Variants in SLC35A3 observed in about 807,000 individuals in gnomAD.
SLC35A3 encodes the protein UDP-N-acetylglucosamine transporter.
In SLC35A3, 26 loss-of-function variants were observed where a neutral mutation model predicts 39.0. The ratio of observed to expected loss-of-function variants is 0.67; its 90% CI spans 0.49 to 0.92. The LOEUF (loss-of-function observed/expected upper bound fraction) is 0.92, where lower values mean the gene tolerates loss of function less well. Ranked by LOEUF, SLC35A3 falls within the 40% of genes least tolerant of loss-of-function variation. SLC35A3 has a pLI of 0.00. For missense variants in SLC35A3, 299 were observed against 371.6 expected (o/e 0.80, Z 1.61); for synonymous variants, 135 against 133.1 (o/e 1.01, Z -0.10).
At chr1:99,982,161 T>C (rs959047988) in intron 1 of SLC35A3, among the ~76,000 whole-genome samples, 3 of 151,892 alleles carry the variant, frequency 2.0e-5, no homozygotes, top group South Asian at 2.1e-4. Flanking sequence ...CGCACCACCA[T>C]GTCCAGCTAA....
At chr1:100,012,657 A>G (rs1046917085) in intron 5 of SLC35A3, among the ~76,000 whole-genome samples, 2 of 152,204 alleles carry the variant, frequency 1.3e-5, no homozygotes, top group African/African-American at 4.8e-5. Context: ...ATAGATTGAT[A>G]TAACCATGTT....
At chr1:99,973,506 T>G (rs538276034) in intron 1 of SLC35A3, among the ~76,000 whole-genome samples, 2 of 152,338 alleles carry the variant, frequency 1.3e-5, no homozygotes, top group African/African-American at 4.8e-5. Context: ...GTTTTATATA[T>G]AAGTGTGAAA....
In SLC35A3 at chr1:100,034,375, TCTTA is replaced by T. The variant is rs1181708092; in HGVS notation, c.*11902_*11905del. On this transcript the variant is annotated 3_prime_UTR_variant, in exon 8 of 8. Coordinates refer to ENST00000533028, the MANE Select transcript of SLC35A3 (RefSeq NM_012243.3). ...ATGTTTGTTCAACTCTCATTTTACATCTTACTATTGAGTTTAAAAATTTTTATTT... is the reference window on the plus strand; with the variant it reads ...ATGTTTGTTCAACTCTCATTTTACATCTATTGAGTTTAAAAATTTTTATTT... 1 of 152,220 alleles carries T rather than the reference TCTTA, an allele frequency of 6.6e-6. No individual in the cohort carries two copies. The highest frequency in any genetic ancestry group is 2.4e-5 in the African/African-American group (1 of 41,462). 9.4% of individuals were successfully genotyped at this position (152,220 alleles called of 1,614,324 possible). A position where few individuals can be genotyped will look rare whatever the true frequency, so the allele number is the denominator to read the frequency against.
At chr1:99,981,886 A>G (rs1384413567) in intron 1 of SLC35A3, among the ~76,000 whole-genome samples, 2 of 152,184 alleles carry the variant, frequency 1.3e-5, no homozygotes, top group African/African-American at 4.8e-5. Flanking sequence ...TTGTCTCAGA[A>G]TGATAAGCTT....
At chr1:99,993,143 T>A (rs1658186350) in intron 1 of SLC35A3, 1 of 155,396 alleles carries the variant, frequency 6.4e-6, no homozygotes, top group Non-Finnish European at 1.4e-5. Context: ...GTTCTATGCC[T>A]TTGAGCAGTT....
chr1:100,015,323 G>A lies in SLC35A3; in HGVS notation c.656G>A (p.Gly219Glu), dbSNP rs1660021052. ...TTAGGTTTCTTTGGAAGTATATTTGGATTAATGGGTGTATACATTTATGAT... is the reference window on the plus strand; with the variant it reads ...TTAGGTTTCTTTGGAAGTATATTTGAATTAATGGGTGTATACATTTATGAT... ...IQLGFFGSIF[G>E]LMGVYIYDGE... The change falls in exon 6 of 8, where the codon GGA becomes GAA. Residue 219 changes from glycine (G) to glutamate (E), a missense_variant. Coordinates refer to ENST00000533028, the MANE Select transcript of SLC35A3 (RefSeq NM_012243.3). The A allele has an allele frequency of 6.2e-7, 1 of 1,608,626 alleles. No individual in the cohort carries two copies. Among genetic ancestry groups the A allele is most frequent in the Non-Finnish European group, 8.5e-7 (1 of 1,177,870 alleles).
chr1:99,991,872 A>G (rs7556546), intron 1 of SLC35A3, among the ~76,000 whole-genome samples: 16,009 of 151,980 alleles, frequency 0.11, 1,363 homozygotes, highest in African/African-American at 0.23. Context: ...CCTCAGCCTC[A>G]CGAGCAGATG....
chr1:99,990,406 T>A (rs1410325276), intron 1 of SLC35A3, among the ~76,000 whole-genome samples: 1 of 152,024 alleles, frequency 6.6e-6, no homozygotes, highest in African/African-American at 2.4e-5. Flanking sequence ...AAACCCCGTC[T>A]CTACTAAAAA....
rs1254424287 is a variant in SLC35A3 at position 100,026,906 on chromosome 1, T to C, written c.*4430T>C. ...TTAATTGATAAACTTCTCTTGTCAT[T>C]TTTTGGTATCCAGCTATTACCTATT... On this transcript the variant is annotated 3_prime_UTR_variant, in exon 8 of 8. Coordinates refer to ENST00000533028, the MANE Select transcript of SLC35A3 (RefSeq NM_012243.3). 2 of 322,704 alleles carry C rather than the reference T, an allele frequency of 6.2e-6. No homozygotes were observed. The highest frequency in any genetic ancestry group is 9.4e-5 in the East Asian group (2 of 21,340). The allele number at this position is 322,704 out of a possible 1,614,324, so 20.0% of individuals were successfully genotyped here. A position where few individuals can be genotyped will look rare whatever the true frequency, so the allele number is the denominator to read the frequency against.
Position 99,973,993 on chromosome 1 carries a change from C to T in SLC35A3, c.-19+3831C>T, listed in dbSNP as rs1465276651. On this transcript the variant is annotated intron_variant, in intron 1 of 7. Transcript: ENST00000533028. ...TCGCTCCATTGCACTCCAGCCTGGGCGACAGAGTGAGACTCCATCTCAAAA... is the reference window on the plus strand; with the variant it reads ...TCGCTCCATTGCACTCCAGCCTGGGTGACAGAGTGAGACTCCATCTCAAAA... Among the ~76,000 whole-genome samples, 6 of 136,726 alleles carry T rather than the reference C, an allele frequency of 4.4e-5. No homozygotes were observed. The South Asian group carries it at 1.1e-3, about 26-fold the overall frequency. The allele number at this position is 136,726 out of a possible 152,430, so 89.7% of individuals were successfully genotyped here. A position where few individuals can be genotyped will look rare whatever the true frequency, so the allele number is the denominator to read the frequency against.
chr1:100,025,384 A>G lies in SLC35A3; in HGVS notation c.*2908A>G, dbSNP rs1351470313. On this transcript the variant is annotated 3_prime_UTR_variant, in exon 8 of 8. Coordinates refer to ENST00000533028, the MANE Select transcript of SLC35A3 (RefSeq NM_012243.3). The stretch of plus-strand genomic sequence containing the variant: ...ATTATACAAGCAAATTAGATATTAG[A>G]CATGTTAGTTACAATGGTAACACAT... 1.3e-5 allele frequency: 2 copies of G among 152,212 alleles called. No homozygotes were observed. Among genetic ancestry groups the G allele is most frequent in the African/African-American group, 4.8e-5 (2 of 41,456 alleles). The allele number at this position is 152,212 out of a possible 1,614,324, so 9.4% of individuals were successfully genotyped here. A position where few individuals can be genotyped will look rare whatever the true frequency, so the allele number is the denominator to read the frequency against.
rs961222521 is a variant in SLC35A3 at position 100,034,920 on chromosome 1, A to G, written c.*12444A>G. ...TTCTTGGCCTTCTCATTAATTTTCAAAACTTCCAATATCCTTCCAAATAAT... is the reference window on the plus strand; with the variant it reads ...TTCTTGGCCTTCTCATTAATTTTCAGAACTTCCAATATCCTTCCAAATAAT... On this transcript the variant is annotated 3_prime_UTR_variant, in exon 8 of 8. Transcript: ENST00000533028. 3 of 152,134 alleles carry G rather than the reference A, an allele frequency of 2.0e-5. No individual in the cohort carries two copies. Among genetic ancestry groups the G allele is most frequent in the African/African-American group, 7.2e-5 (3 of 41,420 alleles). The allele number at this position is 152,134 out of a possible 1,614,324, so 9.4% of individuals were successfully genotyped here. A position where few individuals can be genotyped will look rare whatever the true frequency, so the allele number is the denominator to read the frequency against.
At chr1:100,014,142 T>G (rs1659882919) in intron 5 of SLC35A3, among the ~76,000 whole-genome samples, 2 of 152,248 alleles carry the variant, frequency 1.3e-5, no homozygotes, top group Non-Finnish European at 2.9e-5. Context: ...CAGAATCTAA[T>G]GATTTCTATG....
intron 4 of SLC35A3, among the ~76,000 whole-genome samples, chr1:100,011,131 T>G (rs916226354): frequency 1.3e-5 from 2 of 152,192 alleles, no homozygotes; most frequent in Non-Finnish European, 2.9e-5. Context: ...ATAGATGAAA[T>G]GTAAAATATT....
In SLC35A3 at chr1:100,025,053, A is replaced by G. The variant is rs1048324381; in HGVS notation, c.*2577A>G. The G allele has an allele frequency of 5.2e-6, 1 of 193,104 alleles. No homozygotes were observed. The highest frequency in any genetic ancestry group is 1.0e-5 in the Non-Finnish European group (1 of 96,122). The allele number at this position is 193,104 out of a possible 1,614,324, so 12.0% of individuals were successfully genotyped here. A position where few individuals can be genotyped will look rare whatever the true frequency, so the allele number is the denominator to read the frequency against. On this transcript the variant is annotated 3_prime_UTR_variant, in exon 8 of 8. Coordinates refer to ENST00000533028, the MANE Select transcript of SLC35A3 (RefSeq NM_012243.3). ...TTAAAATCACTTTGGTGGTGATTCC[A>G]AATTGGTACCAAGCAAACTTTCTGG...
rs1037906059 is a variant in SLC35A3 at position 100,031,594 on chromosome 1, G to A, written c.*9118G>A. 6.6e-6 allele frequency: 1 copy of A among 152,082 alleles called. No individual in the cohort carries two copies. Among genetic ancestry groups the A allele is most frequent in the Non-Finnish European group, 1.5e-5 (1 of 68,018 alleles). 9.4% of individuals were successfully genotyped at this position (152,082 alleles called of 1,614,324 possible). ...GGGAAACCGCGTATAAGAAAAGTCA[G>A]CCCTCCCTATGGGTGGGTTTCACAT... On this transcript the variant is annotated 3_prime_UTR_variant, in exon 8 of 8. Transcript: ENST00000533028.
At chr1:100,015,977 A>AT (rs1331838062) in intron 6 of SLC35A3, among the ~76,000 whole-genome samples, 2 of 152,116 alleles carry the variant, frequency 1.3e-5, no homozygotes, top group African/African-American at 4.8e-5. Context: ...TTCTAGAGAT[A>AT]TTTGAAGCCT....
intron 3 of SLC35A3, among the ~76,000 whole-genome samples, chr1:100,003,935 T>A (rs960605344): frequency 3.3e-5 from 5 of 152,226 alleles, no homozygotes; most frequent in African/African-American, 4.8e-5. Context: ...AGTATAGCTA[T>A]TTCTGCTCGT....
chr1:99,971,897 T>C (rs1557815504), intron 1 of SLC35A3, among the ~76,000 whole-genome samples: 1 of 152,136 alleles, frequency 6.6e-6, no homozygotes, highest in Non-Finnish European at 1.5e-5. Flanking sequence ...CTTTTTTTCT[T>C]TTTCTTTTTC....
Sources: gnomAD v4.1 joint callset for allele counts (sites outside exome capture counted in the v4.1 genomes callset) on GRCh38, gnomAD v4.1.1 for gene constraint, MANE v1.5 for transcripts, NCBI Gene and HGNC (gene_info 2026-07-23, HGNC 2026-07-21) for gene names.